TUT7: variants seen among roughly 807,000 people sequenced by gnomAD.
TUT7 encodes terminal uridylyl transferase 7, also known as terminal uridylyltransferase 7.
A neutral mutation model predicts 165.9 loss-of-function variants in TUT7; 33 were observed. The ratio of observed to expected loss-of-function variants is 0.20; its 90% CI spans 0.15 to 0.27. The LOEUF (loss-of-function observed/expected upper bound fraction) is 0.27. Among genes scored for constraint, TUT7 ranks in the 10% least tolerant of loss-of-function variants. TUT7 has a pLI of 1.00. For missense variants in TUT7, 1,338 were observed against 1,762.3 expected, an observed-to-expected ratio of 0.76 and a Z score of 4.31; for synonymous variants, 552 against 608.1, an observed-to-expected ratio of 0.91 and a Z score of 1.36.
At chr9:86,321,695 T>G (rs1007396113) in intron 14 of TUT7, among the ~76,000 whole-genome samples, 1 of 151,898 alleles carries the variant, frequency 6.6e-6, no homozygotes, top group African/African-American at 2.4e-5. Context: ...CGCCACTGCA[T>G]TCCAGCCTGG....
intron 16 of TUT7, 37 bp downstream of exon 16, chr9:86,318,921 T>C: frequency 6.5e-7 from 1 of 1,537,756 alleles, no homozygotes; most frequent in Non-Finnish European, 9.0e-7. Context: ...TAAATCACAC[T>C]GCCACAGCAA....
chr9:86,322,187 G>T, intron 14 of TUT7, 138 bp downstream of exon 14: 1 of 699,450 alleles, frequency 1.4e-6, no homozygotes, highest in Non-Finnish European at 2.3e-6. Context: ...GACATGGAAC[G>T]CTTGAGGATA....
In TUT7 at chr9:86,304,319, TTC is replaced by T. The variant is rs546301791; in HGVS notation, c.3978+535_3978+536del. Among the ~76,000 whole-genome samples the T allele has an allele frequency of 2.6e-3, 398 of 152,336 alleles. 4 individuals are homozygous for T. The highest frequency in any genetic ancestry group is 8.5e-3 in the African/African-American group (355 of 41,566). Reference sequence around the variant, plus strand: ...AAGATCATCTAGTCCCTAGCCATTTTTCTCTCACTGAAATTATTTTTTTGACA... The same window carrying T: ...AAGATCATCTAGTCCCTAGCCATTTTTCTCACTGAAATTATTTTTTTGACA... On this transcript the variant is annotated intron_variant, in intron 24 of 26. Coordinates refer to ENST00000375963, the MANE Select transcript of TUT7 (RefSeq NM_024617.4).
At chr9:86,336,211 A>C (rs188113784) in intron 10 of TUT7, among the ~76,000 whole-genome samples, 23 of 152,294 alleles carry the variant, frequency 1.5e-4, no homozygotes, top group East Asian at 1.3e-3. Flanking sequence ...CTAAATTCCT[A>C]TCTCTCTTAG....
intron 8 of TUT7, among the ~76,000 whole-genome samples, chr9:86,339,547 T>C (rs1303645969): frequency 6.6e-6 from 1 of 152,166 alleles, no homozygotes; most frequent in Non-Finnish European, 1.5e-5. Flanking sequence ...GGGAGCATGA[T>C]TCATCTCTGT....
At chr9:86,334,354 A>G (rs1188546166) in intron 10 of TUT7, among the ~76,000 whole-genome samples, 1 of 152,186 alleles carries the variant, frequency 6.6e-6, no homozygotes, top group Non-Finnish European at 1.5e-5. Context: ...TATAACTCAC[A>G]CAAAAGTCTG....
At chr9:86,342,841 AG>A (rs1831429952) in intron 6 of TUT7, among the ~76,000 whole-genome samples, 1 of 152,152 alleles carries the variant, frequency 6.6e-6, no homozygotes. Context: ...CACCCCCATC[AG>A]GTGCACATGG....
At chr9:86,310,305 C>CT (rs952372186) in intron 18 of TUT7, among the ~76,000 whole-genome samples, 48 of 148,428 alleles carry the variant, frequency 3.2e-4, no homozygotes, top group Middle Eastern at 3.5e-3. Flanking sequence ...TGAAATTAAC[C>CT]TTTTTTTTTT....
chr9:86,346,545 C>T (rs1588015567), intron 2 of TUT7, 65 bp from the exon 3 acceptor site: 1 of 1,468,484 alleles, frequency 6.8e-7, no homozygotes, highest in East Asian at 2.3e-5. Flanking sequence ...AAAAAGCAGA[C>T]CTTACATATG....
intron 14 of TUT7, among the ~76,000 whole-genome samples, chr9:86,320,252 T>A (rs1398217517): frequency 6.3e-4 from 86 of 136,064 alleles, no homozygotes; most frequent in African/African-American, 2.0e-3. Context: ...AAAAAAAAAA[T>A]TTCCCAAAAA....
chr9:86,295,513 A>G (rs1826234950), intron 26 of TUT7, among the ~76,000 whole-genome samples: 3 of 152,182 alleles, frequency 2.0e-5, no homozygotes, highest in Non-Finnish European at 4.4e-5. Flanking sequence ...CAGCCAGTCC[A>G]TTAATAAGAC....
chr9:86,288,830 T>A, intron 26 of TUT7, 86 bp from the exon 27 acceptor site: 1 of 1,060,464 alleles, frequency 9.4e-7, no homozygotes, highest in African/African-American at 1.6e-5. Context: ...TCTTATTAAG[T>A]AGTCACAAAA....
chr9:86,323,277 C>A lies in TUT7; in HGVS notation c.2473G>T (p.Asp825Tyr), dbSNP rs202050130. ...GAGTGGGTAAAGTGGTTTAGAGAGT[C>A]TTCTAGTTCCTCAGTACCTTCTGTA... ...ESTEGTEELEDSLNHFTHSVQ... is the reference protein window; with the variant it reads ...ESTEGTEELEYSLNHFTHSVQ... Residue 825 changes from aspartate to tyrosine, a missense_variant, in exon 13 of 27, where the codon GAC becomes TAC. Around this residue, in one of 7 missense-constraint regions of TUT7, gnomAD observed 425 missense variants for 474.9 expected, o/e 0.89. Coordinates refer to ENST00000375963, the MANE Select transcript of TUT7 (RefSeq NM_024617.4). The A allele has an allele frequency of 1.5e-5, 24 of 1,614,024 alleles. No individual in the cohort carries two copies. The African/African-American group carries it at 2.8e-4, about 19-fold the overall frequency.
chr9:86,331,246 T>C (rs1458435609), intron 10 of TUT7, among the ~76,000 whole-genome samples: 1 of 152,082 alleles, frequency 6.6e-6, no homozygotes, highest in Non-Finnish European at 1.5e-5. Context: ...CCTTGTCTCT[T>C]AAATTAAAAA....
At chr9:86,334,759 T>G (rs957200915) in intron 10 of TUT7, among the ~76,000 whole-genome samples, 1 of 152,134 alleles carries the variant, frequency 6.6e-6, no homozygotes, top group African/African-American at 2.4e-5. Flanking sequence ...GGGTTCCACT[T>G]ATCTGTTATC....
At chr9:86,312,148 C>T (rs886483978) in intron 17 of TUT7, among the ~76,000 whole-genome samples, 5 of 151,568 alleles carry the variant, frequency 3.3e-5, no homozygotes, top group South Asian at 4.2e-4. Context: ...CGTCTCTGCC[C>T]GGCCACCATC....
Position 86,310,725 on chromosome 9 carries a change from A to AT in TUT7, c.3358dup (p.Ile1120AsnfsTer5). 6.2e-7 allele frequency: 1 copy of AT among 1,607,426 alleles called. No homozygotes were observed. Among genetic ancestry groups the AT allele is most frequent in the South Asian group, 1.1e-5 (1 of 90,944 alleles). On this transcript the variant is annotated frameshift_variant, in exon 18 of 27. Transcript: ENST00000375963. LOFTEE classifies it high-confidence loss of function. Reference sequence around the variant, plus strand: ...TCTTACCAATGTGTTATACAAACTGATATCTACTTCCAGACCACTTCTCAA... The same window carrying AT: ...TCTTACCAATGTGTTATACAAACTGATTATCTACTTCCAGACCACTTCTCAA...
chr9:86,325,875 G>A lies in TUT7; in HGVS notation c.1609-361C>T, dbSNP rs143216232. Among the ~76,000 whole-genome samples, 365 of 152,300 alleles carry A rather than the reference G, an allele frequency of 2.4e-3. 1 individual carries two copies. Among genetic ancestry groups the A allele is most frequent in the African/African-American group, 8.1e-3 (335 of 41,554 alleles). ...TGAACTCTTCCTGTTACTGCTGCTG[G>A]AGGCACCTTTACAGTCACAGACACA... On this transcript the variant is annotated intron_variant, in intron 11 of 26. Coordinates refer to ENST00000375963, the MANE Select transcript of TUT7 (RefSeq NM_024617.4).
In TUT7 at chr9:86,287,942, T is replaced by C. The variant is rs927202934; in HGVS notation, c.*735A>G. The stretch of plus-strand genomic sequence containing the variant: ...TTTAAAAGTTCTTCATCCTAATTTC[T>C]GAGTATCATAAAAAGTAAAAAGTAC... On this transcript the variant is annotated 3_prime_UTR_variant, in exon 27 of 27. Transcript: ENST00000375963. The C allele has an allele frequency of 6.6e-6, 1 of 152,224 alleles. No homozygotes were observed. The highest frequency in any genetic ancestry group is 2.4e-5 in the African/African-American group (1 of 41,458). 9.4% of individuals were successfully genotyped at this position (152,224 alleles called of 1,614,324 possible).
Sources: gnomAD v4.1 joint callset for allele counts (sites outside exome capture counted in the v4.1 genomes callset) on GRCh38, gnomAD v4.1.1 for gene constraint, gnomAD v4.1.1 regional missense constraint, MANE v1.5 for transcripts, NCBI Gene and HGNC (gene_info 2026-07-23, HGNC 2026-07-21) for gene names.